AGO3: variants seen among roughly 807,000 people sequenced by gnomAD.
AGO3 encodes the protein argonaute RISC catalytic component 3.
AGO3 carries 16 observed loss-of-function variants against 105.5 expected under a neutral mutation model. The ratio of observed to expected loss-of-function variants is 0.15; its 90% CI spans 0.10 to 0.23. AGO3 has a LOEUF of 0.23. Ranked by LOEUF, AGO3 falls within the 10% of genes least tolerant of loss-of-function variation. The pLI is 1.00. For missense variants in AGO3, 534 were observed against 1,088.0 expected, an observed-to-expected ratio of 0.49 and a Z score of 7.16; for synonymous variants, 340 against 367.3, an observed-to-expected ratio of 0.93 and a Z score of 0.85.
intron 5 of AGO3, chr1:35,982,672 T>A: frequency 1.4e-6 from 1 of 717,160 alleles, no homozygotes. Context: ...AAAAAACTAA[T>A]CTGAGAAGCC....
chr1:35,987,554 G>A (rs943422544), intron 5 of AGO3, among the ~76,000 whole-genome samples: 5 of 151,808 alleles, frequency 3.3e-5, no homozygotes, highest in African/African-American at 9.7e-5. Context: ...TATGTACTAG[G>A]TACATACAAA....
intron 1 of AGO3, among the ~76,000 whole-genome samples, chr1:35,939,180 TCTG>T (rs1646207942): frequency 6.6e-6 from 1 of 152,186 alleles, no homozygotes; most frequent in Admixed American, 6.5e-5. Flanking sequence ...AATTGTTTCA[TCTG>T]CTAATTTACA....
Position 36,039,173 on chromosome 1 carries a change from G to A in AGO3, c.1843-617G>A, listed in dbSNP as rs555766755. On this transcript the variant is annotated intron_variant, in intron 14 of 18. Coordinates refer to ENST00000373191, the MANE Select transcript of AGO3 (RefSeq NM_024852.4). ...TAGGTGTTTTATTCTGTTCTTCAAC[G>A]GGAAGTACTATTCTTTTTAATTTTT... 8.3e-4 allele frequency among the ~76,000 whole-genome samples: 127 copies of A among 152,190 alleles called. 1 individual carries two copies. Among genetic ancestry groups the A allele is most frequent in the African/African-American group, 3.0e-3 (124 of 41,526 alleles).
intron 5 of AGO3, among the ~76,000 whole-genome samples, chr1:36,001,759 A>G (rs2148806315): frequency 6.6e-6 from 1 of 152,304 alleles, no homozygotes; most frequent in Admixed American, 6.5e-5. Flanking sequence ...CCTTTCTGAC[A>G]AATCTAAGTG....
intron 5 of AGO3, among the ~76,000 whole-genome samples, chr1:35,989,132 A>G (rs950198762): frequency 6.6e-6 from 1 of 152,214 alleles, no homozygotes; most frequent in Non-Finnish European, 1.5e-5. Flanking sequence ...GGAGGGATCC[A>G]TTGTAGTCTC....
intron 5 of AGO3, among the ~76,000 whole-genome samples, chr1:35,981,922 A>G (rs946454857): frequency 5.3e-5 from 8 of 152,162 alleles, no homozygotes; most frequent in Non-Finnish European, 1.2e-4. Flanking sequence ...GGCTTCTTTT[A>G]GTCTCAAGTA....
At chr1:35,988,188 G>A (rs149651917) in intron 5 of AGO3, among the ~76,000 whole-genome samples, 71 of 152,212 alleles carry the variant, frequency 4.7e-4, no homozygotes, top group African/African-American at 1.6e-3. Flanking sequence ...ACAAGTAAAA[G>A]TTACATGTAT....
chr1:35,993,263 A>G (rs1459690661), intron 5 of AGO3, among the ~76,000 whole-genome samples: 1 of 147,288 alleles, frequency 6.8e-6, no homozygotes, highest in Non-Finnish European at 1.5e-5. Context: ...AAGTAAGCAG[A>G]AAGTAAGAAA....
At chr1:35,960,052 A>T (rs1263140125) in intron 2 of AGO3, among the ~76,000 whole-genome samples, 1 of 152,076 alleles carries the variant, frequency 6.6e-6, no homozygotes, top group Non-Finnish European at 1.5e-5. Context: ...CTAAAAACTC[A>T]TGCCTTCTTA....
At chr1:35,995,012 A>G (rs1276274121) in intron 5 of AGO3, among the ~76,000 whole-genome samples, 2 of 151,816 alleles carry the variant, frequency 1.3e-5, no homozygotes, top group Non-Finnish European at 2.9e-5. Context: ...CAGCCTGGGC[A>G]ACACGGTGAA....
intron 2 of AGO3, among the ~76,000 whole-genome samples, chr1:35,954,984 T>A (rs1035456300): frequency 6.6e-6 from 1 of 152,222 alleles, no homozygotes; most frequent in South Asian, 2.1e-4. Flanking sequence ...GGAGAAAGAA[T>A]AATCCACATA....
At chr1:35,955,250 C>A (rs1013950406) in intron 2 of AGO3, among the ~76,000 whole-genome samples, 8 of 152,144 alleles carry the variant, frequency 5.3e-5, no homozygotes, top group African/African-American at 1.9e-4. Context: ...TCCTGGAGAA[C>A]ATTTGGAAGG....
chr1:36,000,047 A>G (rs954437708), intron 5 of AGO3, among the ~76,000 whole-genome samples: 3 of 152,118 alleles, frequency 2.0e-5, no homozygotes, highest in African/African-American at 7.2e-5. Context: ...ATTTTATCAA[A>G]TGCTTGCTTT....
intron 11 of AGO3, among the ~76,000 whole-genome samples, chr1:36,014,761 ACT>A (rs1435553890): frequency 7.4e-6 from 1 of 135,378 alleles, no homozygotes; most frequent in African/African-American, 2.8e-5. Context: ...ACAGAGTGAG[ACT>A]CTGTCTCCAA....
At chr1:35,951,816 A>C (rs974331099) in intron 2 of AGO3, among the ~76,000 whole-genome samples, 1 of 152,182 alleles carries the variant, frequency 6.6e-6, no homozygotes, top group African/African-American at 2.4e-5. Flanking sequence ...TGTCATTTTT[A>C]TGGTGTTATA....
chr1:35,931,030 C>G (rs902326674), upstream of AGO3: 3 of 372,702 alleles, frequency 8.0e-6, no homozygotes, highest in Non-Finnish European at 1.4e-5. Context: ...GCTCGGGGCC[C>G]AGAGGCGAGG....
chr1:35,984,447 G>C (rs954067345), intron 5 of AGO3: 1 of 152,202 alleles, frequency 6.6e-6, no homozygotes, highest in African/African-American at 2.4e-5. Context: ...TATTGTGTTT[G>C]CTAACTTCTG....
At chr1:36,031,576 TC>T (rs1641777883) in intron 12 of AGO3, among the ~76,000 whole-genome samples, 1 of 152,170 alleles carries the variant, frequency 6.6e-6, no homozygotes, top group Non-Finnish European at 1.5e-5. Flanking sequence ...ATTCTTACAT[TC>T]TGACATTAAG....
intron 17 of AGO3, among the ~76,000 whole-genome samples, chr1:36,050,729 T>C (rs1285816727): frequency 6.7e-6 from 1 of 148,572 alleles, no homozygotes; most frequent in Non-Finnish European, 1.5e-5. Flanking sequence ...GAGGCAGAGA[T>C]TGCAGAGCCG....
Sources: allele counts gnomAD v4.1 joint callset (sites outside exome capture counted in the v4.1 genomes callset), GRCh38; gene constraint gnomAD v4.1.1; transcripts MANE v1.5; gene names NCBI Gene and HGNC (gene_info 2026-07-23, HGNC 2026-07-21).